Variants in FAM120B observed in about 807,000 individuals in gnomAD.
FAM120B encodes constitutive coactivator of peroxisome proliferator-activated receptor gamma.
Under a neutral mutation model 96.3 loss-of-function variants are expected in FAM120B, and 83 were observed. The observed-to-expected ratio is 0.86, with a 90% CI of 0.72 to 1.03. The LOEUF is 1.03. FAM120B is among the 50% of genes least tolerant of loss of function. The pLI, the probability that FAM120B is intolerant of heterozygous loss-of-function variation, is 0.00. For missense variants in FAM120B, 1,027 were observed against 1,121.2 expected, an observed-to-expected ratio of 0.92 and a Z score of 1.20; for synonymous variants, 407 against 402.7, an observed-to-expected ratio of 1.01 and a Z score of -0.13.
chr6:170,359,286 G>A (rs906886537), intron 6 of FAM120B, among the ~76,000 whole-genome samples: 8 of 151,846 alleles, frequency 5.3e-5, no homozygotes, highest in Non-Finnish European at 1.0e-4. Context: ...CTAGCTACTT[G>A]CAAGGCTGAG....
intron 3 of FAM120B, among the ~76,000 whole-genome samples, chr6:170,325,443 C>T (rs2115046488): frequency 6.6e-6 from 1 of 151,604 alleles, no homozygotes; most frequent in African/African-American, 2.4e-5. Context: ...TTTTCCCCAC[C>T]TTATTTTCTC....
At chr6:170,335,175 T>C (rs567900266) in intron 4 of FAM120B, among the ~76,000 whole-genome samples, 11 of 151,754 alleles carry the variant, frequency 7.2e-5, no homozygotes, top group Non-Finnish European at 1.5e-4. Context: ...CCCACATGCA[T>C]TAGGTATTTG....
At chr6:170,327,069 T>C (rs191503373) in intron 3 of FAM120B, among the ~76,000 whole-genome samples, 502 of 149,232 alleles carry the variant, frequency 3.4e-3, no homozygotes, top group Middle Eastern at 0.019. Flanking sequence ...TTTTTTGAGA[T>C]GGAGTCTTGC....
At chr6:170,354,810 T>C (rs932987037) in intron 5 of FAM120B, among the ~76,000 whole-genome samples, 1 of 151,668 alleles carries the variant, frequency 6.6e-6, no homozygotes, top group African/African-American at 2.4e-5. Flanking sequence ...GCACCTGTAA[T>C]CCCAGCTACT....
intron 5 of FAM120B, among the ~76,000 whole-genome samples, chr6:170,356,920 T>C (rs774935934): frequency 4.6e-5 from 7 of 152,160 alleles, no homozygotes; most frequent in Non-Finnish European, 8.8e-5. Flanking sequence ...CTACTTGGAA[T>C]AAAAGTGGAC....
chr6:170,364,003 G>C (rs76156581), intron 6 of FAM120B, among the ~76,000 whole-genome samples: 18,344 of 152,222 alleles, frequency 0.12, 1,375 homozygotes, highest in African/African-American at 0.2. Flanking sequence ...ACAGTGCTGG[G>C]ATTACAGTCA....
rs1208278572 is a variant in FAM120B at position 170,318,303 on chromosome 6, CTT to C, written c.916_917del (p.Leu306ThrfsTer42). ...ALFYKGMASY[L>X]LPGQKSPWFF... ...TTTTTATAAAGGAATGGCATCATAT[CTT>C]TTACCAGGACAAAAATCTCCATGGT... On this transcript the variant is annotated frameshift_variant, in exon 2 of 11. Transcript: ENST00000476287. LOFTEE classifies it high-confidence loss of function. The C allele has an allele frequency of 1.9e-6, 3 of 1,614,028 alleles. No individual in the cohort carries two copies. Among genetic ancestry groups the C allele is most frequent in the Non-Finnish European group, 2.5e-6 (3 of 1,180,032 alleles).
At chr6:170,326,405 T>C (rs2115049931) in intron 3 of FAM120B, among the ~76,000 whole-genome samples, 1 of 152,324 alleles carries the variant, frequency 6.6e-6, no homozygotes, top group East Asian at 1.9e-4. Context: ...TCCTGTCCTC[T>C]GGCAACTGCG....
intron 9 of FAM120B, among the ~76,000 whole-genome samples, chr6:170,397,029 T>A (rs1418770328): frequency 2.0e-5 from 3 of 152,264 alleles, no homozygotes; most frequent in Non-Finnish European, 4.4e-5. Flanking sequence ...GGTCAGAGAC[T>A]GCAGCCCTGA....
intron 6 of FAM120B, among the ~76,000 whole-genome samples, chr6:170,361,220 A>ATATACACG (rs1554286429): frequency 2.2e-4 from 24 of 109,996 alleles, no homozygotes; most frequent in African/African-American, 9.3e-4. Flanking sequence ...ATATATATAT[A>ATATACACG]TATATATATA....
chr6:170,347,736 A>G (rs1425385923), intron 4 of FAM120B, among the ~76,000 whole-genome samples: 3 of 152,214 alleles, frequency 2.0e-5, no homozygotes, highest in Non-Finnish European at 4.4e-5. Flanking sequence ...TGCACATGAA[A>G]GGTTGAAAAC....
intron 5 of FAM120B, among the ~76,000 whole-genome samples, chr6:170,356,532 A>G (rs535892873): frequency 1.3e-5 from 2 of 152,338 alleles, no homozygotes; most frequent in East Asian, 1.9e-4. Context: ...AACTAAATAC[A>G]GTTGTGTCTT....
intron 4 of FAM120B, among the ~76,000 whole-genome samples, chr6:170,332,564 G>A (rs1360000907): frequency 6.6e-6 from 1 of 152,120 alleles, no homozygotes; most frequent in Non-Finnish European, 1.5e-5. Flanking sequence ...TGGGTGTGGT[G>A]GCAGACACCT....
intron 6 of FAM120B, among the ~76,000 whole-genome samples, chr6:170,361,208 A>ACACG (rs1216103352): frequency 1.1e-4 from 9 of 79,192 alleles, no homozygotes; most frequent in Admixed American, 5.9e-4. Flanking sequence ...GTATATATAT[A>ACACG]TATATATATA....
chr6:170,356,326 G>A (rs926781810), intron 5 of FAM120B, among the ~76,000 whole-genome samples: 1 of 152,150 alleles, frequency 6.6e-6, no homozygotes, highest in African/African-American at 2.4e-5. Context: ...ACAACAGATT[G>A]ATAAATCAAT....
Position 170,405,776 on chromosome 6 carries a change from TG to T in FAM120B, c.*1026del, listed in dbSNP as rs1373501111. The T allele has an allele frequency of 1.3e-5, 2 of 152,234 alleles. No homozygotes were observed. Among genetic ancestry groups the T allele is most frequent in the African/African-American group, 4.8e-5 (2 of 41,472 alleles). The allele number at this position is 152,234 out of a possible 1,614,324, so 9.4% of individuals were successfully genotyped here. On this transcript the variant is annotated 3_prime_UTR_variant, in exon 11 of 11. Coordinates refer to ENST00000476287, the MANE Select transcript of FAM120B (RefSeq NM_032448.3). ...GACATGACAGCATGTGTGTGACTCC[TG>T]TGTCTGTTTCTGTGGGGTCATCCCT...
chr6:170,343,413 A>T lies in FAM120B; in HGVS notation c.2018-4738A>T, dbSNP rs184415266. On this transcript the variant is annotated intron_variant, in intron 4 of 10. Transcript: ENST00000476287. ...AAGTTCTGGAGAGAGCTATGGAGGT[A>T]TCTTATCTCCTAAATTAGTATTCAC... 2.6e-5 allele frequency among the ~76,000 whole-genome samples: 4 copies of T among 152,234 alleles called. No individual in the cohort carries two copies. The East Asian group carries it at 7.7e-4, about 29-fold the overall frequency.
chr6:170,382,608 G>T (rs999835800), intron 6 of FAM120B, among the ~76,000 whole-genome samples: 1 of 152,110 alleles, frequency 6.6e-6, no homozygotes, highest in African/African-American at 2.4e-5. Context: ...TACAGGATCT[G>T]TATGCTAAAA....
At chr6:170,392,409 T>C (rs1407556149) in intron 8 of FAM120B, among the ~76,000 whole-genome samples, 3 of 152,232 alleles carry the variant, frequency 2.0e-5, no homozygotes, top group African/African-American at 7.2e-5. Context: ...GGTTTCACCA[T>C]GTTGGCCAGG....
Sources: allele counts gnomAD v4.1 joint callset (sites outside exome capture counted in the v4.1 genomes callset), GRCh38; gene constraint gnomAD v4.1.1; transcripts MANE v1.5; gene names NCBI Gene and HGNC (gene_info 2026-07-23, HGNC 2026-07-21).